Variants in NCAM2 observed in about 807,000 individuals in gnomAD.
The protein encoded by NCAM2 is neural cell adhesion molecule 2, also known as N-CAM-2.
A neutral mutation model predicts 98.1 loss-of-function variants in NCAM2; 30 were observed. That is an observed-to-expected ratio of 0.31 (90% confidence interval 0.23 to 0.41). NCAM2 has a LOEUF of 0.41. Among genes scored for constraint, NCAM2 ranks in the 10% least tolerant of loss-of-function variants. NCAM2 has a pLI of 1.00. For synonymous variants in NCAM2, 368 were observed against 342.4 expected (o/e 1.07, Z -0.83); for missense variants, 867 against 1,005.8 (o/e 0.86, Z 1.87).
chr21:21,203,089 T>C (rs1205074947), intron 1 of NCAM2, among the ~76,000 whole-genome samples: 3 of 152,184 alleles, frequency 2.0e-5, no homozygotes, highest in Non-Finnish European at 4.4e-5. Context: ...ATAGTTGGTG[T>C]TTTTGAAACT....
chr21:21,102,471 T>C (rs1470440753), intron 1 of NCAM2, among the ~76,000 whole-genome samples: 1 of 151,934 alleles, frequency 6.6e-6, no homozygotes, highest in Non-Finnish European at 1.5e-5. Context: ...TACAAGTATA[T>C]TTGGGGAAGG....
intron 1 of NCAM2, among the ~76,000 whole-genome samples, chr21:21,210,113 G>A (rs954898424): frequency 6.6e-6 from 1 of 152,150 alleles, no homozygotes; most frequent in East Asian, 1.9e-4. Context: ...TGCATTGATA[G>A]ATCAAACTTG....
chr21:21,003,818 T>A (rs1347940538), intron 1 of NCAM2, among the ~76,000 whole-genome samples: 1 of 152,184 alleles, frequency 6.6e-6, no homozygotes, highest in Non-Finnish European at 1.5e-5. Flanking sequence ...AGACACCTCA[T>A]TAGACAGCAT....
At chr21:21,146,645 A>G (rs1601493666) in intron 1 of NCAM2, among the ~76,000 whole-genome samples, 2 of 151,332 alleles carry the variant, frequency 1.3e-5, no homozygotes, top group Non-Finnish European at 2.9e-5. Context: ...GTATTAAAGA[A>G]CAGCTTTAAA....
chr21:21,243,025 G>A (rs974817099), intron 1 of NCAM2, among the ~76,000 whole-genome samples: 2 of 43,786 alleles, frequency 4.6e-5, no homozygotes, highest in African/African-American at 1.9e-4. Flanking sequence ...TGAACTTTCA[G>A]CTAAGGTTTC....
chr21:21,408,406 G>A (rs2076787016), intron 9 of NCAM2, among the ~76,000 whole-genome samples: 1 of 152,094 alleles, frequency 6.6e-6, no homozygotes, highest in Non-Finnish European at 1.5e-5. Context: ...TAAAATAATA[G>A]TGCATTAAAA....
chr21:21,062,102 G>A (rs1442316515), intron 1 of NCAM2, among the ~76,000 whole-genome samples: 1 of 152,048 alleles, frequency 6.6e-6, no homozygotes, highest in Non-Finnish European at 1.5e-5. Flanking sequence ...ATAATGTAAA[G>A]TTTTAATATT....
At chr21:21,179,356 T>C (rs2068395777) in intron 1 of NCAM2, among the ~76,000 whole-genome samples, 1 of 152,214 alleles carries the variant, frequency 6.6e-6, no homozygotes, top group African/African-American at 2.4e-5. Context: ...GCTGTATATT[T>C]GAAAGCAGTA....
intron 1 of NCAM2, among the ~76,000 whole-genome samples, chr21:21,075,201 A>G (rs377661253): frequency 6.6e-6 from 1 of 152,124 alleles, no homozygotes; most frequent in African/African-American, 2.4e-5. Context: ...GTGTGGAGCT[A>G]TGTAAGGGAT....
chr21:21,330,982 T>G (rs186373121), intron 6 of NCAM2, among the ~76,000 whole-genome samples: 9 of 152,300 alleles, frequency 5.9e-5, no homozygotes, highest in Non-Finnish European at 1.5e-5. Context: ...TCTGAGAGTT[T>G]CAAGGAGATG....
At chr21:21,051,293 C>T (rs1174421074) in intron 1 of NCAM2, among the ~76,000 whole-genome samples, 1 of 152,088 alleles carries the variant, frequency 6.6e-6, no homozygotes, top group Non-Finnish European at 1.5e-5. Context: ...CATTGGGTTT[C>T]TGTTGCAGTT....
At chr21:21,143,496 T>G (rs1171135735) in intron 1 of NCAM2, among the ~76,000 whole-genome samples, 3 of 152,146 alleles carry the variant, frequency 2.0e-5, no homozygotes, top group African/African-American at 7.2e-5. Flanking sequence ...TTTTAAAAGG[T>G]TTTCCCTCTC....
chr21:21,137,930 G>A (rs1391600073), intron 1 of NCAM2, among the ~76,000 whole-genome samples: 2 of 122,536 alleles, frequency 1.6e-5, no homozygotes, highest in South Asian at 2.4e-4. Flanking sequence ...TAGCAGGAAG[G>A]TGACACTGGA....
intron 1 of NCAM2, among the ~76,000 whole-genome samples, chr21:21,006,976 C>A (rs145737473): frequency 6.6e-6 from 1 of 152,154 alleles, no homozygotes; most frequent in East Asian, 1.9e-4. Context: ...ATGGTTTTTG[C>A]TGGTGCTTGT....
intron 4 of NCAM2, among the ~76,000 whole-genome samples, chr21:21,287,103 G>A (rs1346508474): frequency 6.6e-6 from 1 of 151,938 alleles, no homozygotes; most frequent in African/African-American, 2.4e-5. Flanking sequence ...GAAATCGAAT[G>A]TATAATTTGC....
rs866460938 is a variant in NCAM2 at position 21,180,860 on chromosome 21, C to T, written c.56-99718C>T. 2.0e-5 allele frequency among the ~76,000 whole-genome samples: 3 copies of T among 152,094 alleles called. 1 individual carries two copies. Among genetic ancestry groups the T allele is most frequent in the African/African-American group, 7.2e-5 (3 of 41,424 alleles). ...TCTCAAGCCTCAAACTGTACCAATG[C>T]TGTGAGAAATTCAGGAACAAAAAGT... On this transcript the variant is annotated intron_variant, in intron 1 of 17. Transcript: ENST00000400546.
intron 12 of NCAM2, among the ~76,000 whole-genome samples, chr21:21,460,869 G>A (rs1026638453): frequency 6.6e-5 from 10 of 151,566 alleles, no homozygotes; most frequent in East Asian, 1.9e-4. Context: ...TAGAGTTTCC[G>A]TCAGCACAGA....
At chr21:21,027,754 G>A (rs1365919304) in intron 1 of NCAM2, among the ~76,000 whole-genome samples, 2 of 151,656 alleles carry the variant, frequency 1.3e-5, no homozygotes, top group African/African-American at 4.8e-5. Flanking sequence ...CCCATTATGC[G>A]TTAATATACA....
chr21:21,523,733 G>A (rs1368510615), intron 16 of NCAM2, among the ~76,000 whole-genome samples: 1 of 151,876 alleles, frequency 6.6e-6, no homozygotes, highest in African/African-American at 2.4e-5. Context: ...TCAGTTCATT[G>A]TAAATGTATA....
Sources: gnomAD v4.1 joint callset for allele counts (sites outside exome capture counted in the v4.1 genomes callset) on GRCh38, gnomAD v4.1.1 for gene constraint, MANE v1.5 for transcripts, NCBI Gene and HGNC (gene_info 2026-07-23, HGNC 2026-07-21) for gene names.